Variants in ABCG1 observed in about 807,000 individuals in gnomAD.
The protein encoded by ABCG1 is ATP binding cassette subfamily G member 1, also known as ATP-binding cassette sub-family G member 1.
In ABCG1, 29 loss-of-function variants were observed where a neutral mutation model predicts 69.2. The ratio of observed to expected loss-of-function variants is 0.42; its 90% confidence interval spans 0.31 to 0.57. ABCG1 has a LOEUF of 0.57. ABCG1 is among the 20% of genes least tolerant of loss of function. The pLI, the probability that ABCG1 is intolerant of heterozygous loss-of-function variation, is 0.15. For missense variants in ABCG1, 718 were observed against 898.1 expected (o/e 0.80, Z 2.56); for synonymous variants, 370 against 374.8 (o/e 0.99, Z 0.15).
rs544738327 is a variant in ABCG1 at position 42,260,124 on chromosome 21, G to A, written c.287-10946G>A. ...GGCCTATGGTTGGGGGTTTCCTGGC[G>A]ATCCCATGGAGGAAGGTGAGGATGA... On this transcript the variant is annotated intron_variant, in intron 2 of 14. Transcript: ENST00000398449. 10 of 1,550,606 alleles carry A rather than the reference G, an allele frequency of 6.4e-6. No homozygotes were observed. The East Asian group carries it at 7.3e-5, about 11-fold the overall frequency.
chr21:42,217,740 G>A (rs372063230), upstream of ABCG1, among the ~76,000 whole-genome samples: 1 of 136,398 alleles, frequency 7.3e-6, no homozygotes, highest in South Asian at 2.3e-4. Flanking sequence ...CACCCCGGCT[G>A]GAGTGCAGTG....
intron 6 of ABCG1, among the ~76,000 whole-genome samples, chr21:42,283,219 G>T (rs1303439931): frequency 6.6e-6 from 1 of 152,222 alleles, no homozygotes; most frequent in Non-Finnish European, 1.5e-5. Flanking sequence ...CTGAGGGGGG[G>T]ATGGCGGGGC....
intron 2 of ABCG1, among the ~76,000 whole-genome samples, chr21:42,252,890 TG>T (rs1467252320): frequency 6.6e-6 from 1 of 152,060 alleles, no homozygotes; most frequent in East Asian, 1.9e-4. Context: ...CAGGTGGTGT[TG>T]GGGCGAGTGA....
rs185413797 is a variant in ABCG1, at chr21:42,227,647, G to A, written c.286+1733G>A. On this transcript the variant is annotated intron_variant, in intron 2 of 14. Transcript: ENST00000398449. ...CCAGTGTTTGCAAGCAGTGAGTATCGCTCCCCTACCCAGTGTGTTTGTCCA... is the reference window on the plus strand; with the variant it reads ...CCAGTGTTTGCAAGCAGTGAGTATCACTCCCCTACCCAGTGTGTTTGTCCA... 5.3e-5 allele frequency among the ~76,000 whole-genome samples: 8 copies of A among 152,316 alleles called. No homozygotes were observed. In the South Asian group the frequency reaches 6.2e-4, roughly 12 times the overall value.
intron 2 of ABCG1, among the ~76,000 whole-genome samples, chr21:42,268,571 A>AT (rs1910573863): frequency 6.6e-6 from 1 of 152,118 alleles, no homozygotes. Context: ...CACTTTTAAG[A>AT]TTCTTCAATT....
Position 42,291,258 on chromosome 21 carries a change from A to T in ABCG1, c.1494+66A>T, listed in dbSNP as rs73364636. The T allele has an allele frequency of 3.1e-3, 4,159 of 1,359,956 alleles. 105 individuals are homozygous for T. The African/African-American group carries it at 0.051, about 17-fold the overall frequency. 84.2% of individuals were successfully genotyped at this position (1,359,956 alleles called of 1,614,324 possible). On this transcript the variant is annotated intron_variant, in intron 12 of 14. Transcript: ENST00000398449. The surrounding 1 kb of genome is among the most constrained non-coding windows in gnomAD (Gnocchi z 6.4). ...GTTCTCCTGTACACCCTTTATATCGAGTAAGAGGACCTGCCAGGGATGCAG... is the reference window on the plus strand; with the variant it reads ...GTTCTCCTGTACACCCTTTATATCGTGTAAGAGGACCTGCCAGGGATGCAG...
intron 2 of ABCG1, among the ~76,000 whole-genome samples, chr21:42,204,202 CT>C (rs2067526739): frequency 6.6e-6 from 1 of 151,942 alleles, no homozygotes; most frequent in South Asian, 2.1e-4. Context: ...AACAGTTTTG[CT>C]TTTTTTTCCC....
chr21:42,217,485 G>A (rs868701265), upstream of ABCG1, among the ~76,000 whole-genome samples: 3 of 151,844 alleles, frequency 2.0e-5, no homozygotes, highest in South Asian at 2.1e-4. Flanking sequence ...CTGTGTTTTG[G>A]CGTAAACACT....
chr21:42,243,785 C>T (rs1308593894), intron 2 of ABCG1, among the ~76,000 whole-genome samples: 1 of 149,910 alleles, frequency 6.7e-6, no homozygotes, highest in Non-Finnish European at 1.5e-5. Context: ...AATTTTCTTT[C>T]CTCTTCTGTA....
chr21:42,262,879 C>T (rs541651006), intron 2 of ABCG1, among the ~76,000 whole-genome samples: 3 of 152,346 alleles, frequency 2.0e-5, no homozygotes, highest in South Asian at 2.1e-4. Flanking sequence ...GCAAGGCTGG[C>T]GCGGTGCCCA....
chr21:42,274,620 G>A (rs35873421), intron 4 of ABCG1, among the ~76,000 whole-genome samples: 35,073 of 151,860 alleles, frequency 0.23, 4,100 homozygotes, highest in African/African-American at 0.25. Flanking sequence ...GACTACAGGC[G>A]CCCACCACCA....
rs751066629 is a variant in ABCG1, at chr21:42,290,229, G to C, written c.1393+11G>C. On this transcript the variant is annotated intron_variant, in intron 11 of 14. Transcript: ENST00000398449. ...CTACTGTTCTGACATGTGAGTGACA[G>C]ACCGCTGACCCCTTCTTCCTTATTT... is the stretch of plus-strand genomic sequence containing the variant. 2.5e-6 allele frequency: 4 copies of C among 1,608,994 alleles called. No individual in the cohort carries two copies. The highest frequency in any genetic ancestry group is 1.7e-6 in the Non-Finnish European group (2 of 1,175,958).
chr21:42,296,125 G>A lies in ABCG1; in HGVS notation c.1773-39G>A, dbSNP rs376402435. The A allele has an allele frequency of 6.4e-7, 1 of 1,568,278 alleles. No individual in the cohort carries two copies. On this transcript the variant is annotated intron_variant, in intron 14 of 14. Transcript: ENST00000398449. This position sits in a 1 kb window ranked among gnomAD's most constrained non-coding sequence, Gnocchi z 5.4. ...CCTTCAGCCAACGGCGTGGCTGGCT[G>A]GGAGAACGTCCTCCCTCATGCCTGG... is the stretch of plus-strand genomic sequence containing the variant.
At chr21:42,294,498 G>C in intron 13 of ABCG1, 44 bp from the exon 14 acceptor site, 1 of 1,518,346 alleles carries the variant, frequency 6.6e-7, no homozygotes, top group Non-Finnish European at 9.1e-7. Context: ...AGGAGGCCAG[G>C]CTGCAGGTTC....
chr21:42,270,153 G>A (rs922218463), intron 2 of ABCG1, among the ~76,000 whole-genome samples: 9 of 151,822 alleles, frequency 5.9e-5, no homozygotes, highest in African/African-American at 9.7e-5. Context: ...CTAGCTACTC[G>A]GGAGGCTGAG....
At chr21:42,218,970 C>A, upstream of ABCG1, 1 of 215,984 alleles carries the variant, frequency 4.6e-6, no homozygotes, top group Admixed American at 5.8e-5. Context: ...GGCCTCGGCT[C>A]GGGCCGCTCC....
intron 2 of ABCG1, among the ~76,000 whole-genome samples, chr21:42,244,825 C>A (rs889663316): frequency 6.6e-6 from 1 of 152,218 alleles, no homozygotes; most frequent in African/African-American, 2.4e-5. Flanking sequence ...ATGGGAGAGG[C>A]ACACTTACAA....
intron 2 of ABCG1, among the ~76,000 whole-genome samples, chr21:42,202,450 A>G (rs2123460351): frequency 6.6e-6 from 1 of 152,172 alleles, no homozygotes; most frequent in Non-Finnish European, 1.5e-5. Flanking sequence ...GGGAGAGATG[A>G]GCAGTGAAAA....
At chr21:42,243,192 A>G (rs2068076722) in intron 2 of ABCG1, among the ~76,000 whole-genome samples, 1 of 152,096 alleles carries the variant, frequency 6.6e-6, no homozygotes, top group Non-Finnish European at 1.5e-5. Flanking sequence ...AGAGATGCAG[A>G]CAGCAGGGCC....
Sources: gnomAD v4.1 joint callset for allele counts (sites outside exome capture counted in the v4.1 genomes callset) on GRCh38, gnomAD v4.1.1 for gene constraint, Gnocchi (gnomAD v3.1) non-coding constraint, MANE v1.5 for transcripts, NCBI Gene and HGNC (gene_info 2026-07-23, HGNC 2026-07-21) for gene names.